Variants in DARS2 observed in about 807,000 individuals in gnomAD.
DARS2 encodes aspartyl-tRNA synthetase 2, mitochondrial.
A neutral mutation model predicts 83.0 loss-of-function variants in DARS2; 63 were observed. The observed-to-expected ratio is 0.76, with a 90% confidence interval of 0.62 to 0.94. DARS2 has a LOEUF of 0.94. DARS2 is among the 40% of genes least tolerant of loss of function. DARS2 has a pLI of 0.00. For missense variants in DARS2, 675 were observed against 774.4 expected, an observed-to-expected ratio of 0.87 and a Z score of 1.52; for synonymous variants, 250 against 269.3, an observed-to-expected ratio of 0.93 and a Z score of 0.70.
chr1:173,847,844 C>CTTTTTTTTTTTTT (rs1160841148), intron 12 of DARS2, among the ~76,000 whole-genome samples: 1 of 78,616 alleles, frequency 1.3e-5, no homozygotes, highest in African/African-American at 5.8e-5. Flanking sequence ...CTTTCTGAAC[C>CTTTTTTTTTTTTT]TTTTTTTTTT....
intron 12 of DARS2, among the ~76,000 whole-genome samples, chr1:173,848,725 T>C (rs1188551026): frequency 2.6e-5 from 4 of 152,218 alleles, no homozygotes; most frequent in African/African-American, 7.2e-5. Context: ...TTCTTTATGT[T>C]CTGAAATTTC....
At position 173,834,782 on chromosome 1, in the gene DARS2, G is replaced by GTT. The variant is rs558344998; in HGVS notation, c.663+278_663+279dup. On this transcript the variant is annotated intron_variant, in intron 7 of 16. Coordinates refer to ENST00000649689, the MANE Select transcript of DARS2 (RefSeq NM_018122.5). ...TGGTTTGTTTTGGGTTTTTTTTTTTGTTTTTTTTTTTTTTTTGAGACAGTC... is the reference window on the plus strand; with the variant it reads ...TGGTTTGTTTTGGGTTTTTTTTTTTGTTTTTTTTTTTTTTTTTTGAGACAGTC... Among the ~76,000 whole-genome samples the GTT allele has an allele frequency of 1.2e-3, 33 of 26,766 alleles. 1 individual carries two copies. The highest frequency in any genetic ancestry group is 2.5e-3 in the East Asian group (2 of 788). 17.6% of individuals were successfully genotyped at this position (26,766 alleles called of 152,430 possible).
chr1:173,839,758 GA>G (rs1653139345), intron 10 of DARS2, among the ~76,000 whole-genome samples: 1 of 152,156 alleles, frequency 6.6e-6, no homozygotes, highest in African/African-American at 2.4e-5. Flanking sequence ...CCATTTCCAA[GA>G]GCGAGATTCT....
At chr1:173,837,514 A>G (rs1420435004) in intron 8 of DARS2, among the ~76,000 whole-genome samples, 1 of 152,232 alleles carries the variant, frequency 6.6e-6, no homozygotes, top group Non-Finnish European at 1.5e-5. Flanking sequence ...ATGGCATAGC[A>G]CAGAAAGTCT....
chr1:173,850,381 A>G lies in DARS2; in HGVS notation c.1246A>G (p.Asn416Asp), dbSNP rs138154457. 8.9e-5 allele frequency: 144 copies of G among 1,613,628 alleles called. No individual in the cohort carries two copies. The highest frequency in any genetic ancestry group is 1.1e-4 in the Non-Finnish European group (129 of 1,179,916). The stretch of plus-strand genomic sequence containing the variant: ...TAGAAACTGGAATTCTCCAGTTGCT[A>G]ATTTCATAATGGAGTCACAAAGACT... ...ANRNWNSPVA[N>D]FIMESQRLEL... Residue 416 changes from asparagine to aspartate, a missense_variant, in exon 13 of 17, where the codon AAT (asparagine) becomes GAT (aspartate). Physicochemically the swap from Asn to Asp is conservative, Grantham distance 23. Coordinates refer to ENST00000649689, the MANE Select transcript of DARS2 (RefSeq NM_018122.5).
chr1:173,826,701 G>A lies in DARS2; in HGVS notation c.142G>A (p.Val48Ile). 1.4e-6 allele frequency: 2 copies of A among 1,383,354 alleles called. No homozygotes were observed. The highest frequency in any genetic ancestry group is 1.8e-5 in the African/African-American group (1 of 55,596). The allele number at this position is 1,383,354 out of a possible 1,614,324, so 85.7% of individuals were successfully genotyped here. ...QRRIPEFSSF[V>I]VRTNTCGELR... ...TTTTTTTAAAGAATTCAGTAGCTTT[G>A]TTGTCCGGACCAACACATGTGGAGA... The change falls in exon 2 of 17, where the codon GTT (valine) becomes ATT (isoleucine). Residue 48 changes from valine (V) to isoleucine (I), a missense_variant. By Grantham distance (29) the Val-to-Ile change is conservative. Transcript: ENST00000649689.
intron 3 of DARS2, among the ~76,000 whole-genome samples, chr1:173,829,871 G>A (rs961994485): frequency 6.6e-6 from 1 of 152,058 alleles, no homozygotes; most frequent in Non-Finnish European, 1.5e-5. Context: ...TCACGCCACT[G>A]TACTCCAGCC....
chr1:173,829,792 C>T (rs1652726822), intron 3 of DARS2, among the ~76,000 whole-genome samples: 1 of 152,058 alleles, frequency 6.6e-6, no homozygotes, highest in Non-Finnish European at 1.5e-5. Context: ...TCCTGTAACC[C>T]CAACTACTCA....
At chr1:173,826,179 G>C (rs773772522) in intron 1 of DARS2, among the ~76,000 whole-genome samples, 3 of 150,956 alleles carry the variant, frequency 2.0e-5, no homozygotes, top group African/African-American at 7.3e-5. Flanking sequence ...AGCCGAGATC[G>C]CGCCACTGCA....
intron 3 of DARS2, 106 bp downstream of exon 3, chr1:173,828,505 A>G (rs1346693811): frequency 1.8e-6 from 2 of 1,087,158 alleles, no homozygotes; most frequent in African/African-American, 1.6e-5. Context: ...TCAGAAGTTT[A>G]TTGTTAATGA....
chr1:173,848,096 G>A (rs968116082), intron 12 of DARS2, among the ~76,000 whole-genome samples: 6 of 151,960 alleles, frequency 3.9e-5, no homozygotes, highest in Non-Finnish European at 8.8e-5. Flanking sequence ...CTCGTGATCC[G>A]CCCACCTCGG....
chr1:173,829,293 G>C (rs1652704348), intron 3 of DARS2, among the ~76,000 whole-genome samples: 2 of 152,004 alleles, frequency 1.3e-5, no homozygotes, highest in South Asian at 4.2e-4. Context: ...GGTAACATTA[G>C]GTGCTGCTGG....
intron 11 of DARS2, among the ~76,000 whole-genome samples, chr1:173,844,565 G>A (rs1402074182): frequency 6.7e-6 from 1 of 149,794 alleles, no homozygotes; most frequent in Non-Finnish European, 1.5e-5. Flanking sequence ...AGCTACTTGG[G>A]AGGCTGAAGC....
chr1:173,857,420 T>G, intron 16 of DARS2, 98 bp from the exon 17 acceptor site: 6 of 1,254,926 alleles, frequency 4.8e-6, no homozygotes. Flanking sequence ...TGTTAAAGAT[T>G]CTTATTTAAA....
At chr1:173,827,585 T>C (rs9425425) in intron 2 of DARS2, among the ~76,000 whole-genome samples, 13,799 of 151,980 alleles carry the variant, frequency 0.091, 2,020 homozygotes, top group African/African-American at 0.31. Flanking sequence ...GAGCTGAGAT[T>C]GCGCCACTGC....
chr1:173,833,398 A>G lies in DARS2; in HGVS notation c.515A>G (p.Gln172Arg). Residue 172 changes from glutamine (Q) to arginine (R), a missense_variant, in exon 6 of 17, where the codon CAG (glutamine) becomes CGG (arginine). By Grantham distance (43) the Gln-to-Arg change is conservative. Coordinates refer to ENST00000649689, the MANE Select transcript of DARS2 (RefSeq NM_018122.5). ...FVKKTEALRL[Q>R]YRYLDLRSFQ... ...TAGAAAACAGAGGCTCTTCGGTTGC[A>G]GTATCGCTACTTAGACTTGCGTAGT... 2 of 1,610,118 alleles carry G rather than the reference A, an allele frequency of 1.2e-6. No individual in the cohort carries two copies. Among genetic ancestry groups the G allele is most frequent in the Non-Finnish European group, 1.7e-6 (2 of 1,178,000 alleles).
At chr1:173,835,237 G>A (rs533835861) in intron 7 of DARS2, among the ~76,000 whole-genome samples, 2 of 151,516 alleles carry the variant, frequency 1.3e-5, no homozygotes, top group East Asian at 2.0e-4. Flanking sequence ...CTACAGGTGC[G>A]CACCACCACA....
At chr1:173,831,071 C>A (rs1192518020) in intron 4 of DARS2, among the ~76,000 whole-genome samples, 1 of 152,116 alleles carries the variant, frequency 6.6e-6, no homozygotes, top group Non-Finnish European at 1.5e-5. Flanking sequence ...TGCATGCCAC[C>A]ACGCCCAGCT....
Position 173,845,236 on chromosome 1 carries a change from T to G in DARS2, c.1136T>G (p.Leu379Ter). 6.2e-7 allele frequency: 1 copy of G among 1,604,798 alleles called. No individual in the cohort carries two copies. Among genetic ancestry groups the G allele is most frequent in the Non-Finnish European group, 8.5e-7 (1 of 1,171,734 alleles). Residue 379 changes from leucine (L) to a stop codon, truncating the protein, a stop_gained, in exon 12 of 17, where the codon TTA (leucine) becomes TGA (stop). Coordinates refer to ENST00000649689, the MANE Select transcript of DARS2 (RefSeq NM_018122.5). LOFTEE classifies it high-confidence loss of function. ...AICIPEGAKY[L>*]KRKDIESIRN... ...TGATTTTTCTTTCATCAGAAATACT[T>G]AAAAAGGAAAGACATTGAATCCATT...
Sources: gnomAD v4.1 joint callset for allele counts (sites outside exome capture counted in the v4.1 genomes callset) on GRCh38, gnomAD v4.1.1 for gene constraint, MANE v1.5 for transcripts, NCBI Gene and HGNC (gene_info 2026-07-23, HGNC 2026-07-21) for gene names.